Variants in MTMR12 observed in about 807,000 individuals in gnomAD.
The protein encoded by MTMR12 is myotubularin related protein 12.
MTMR12 carries 33 observed loss-of-function variants against 96.7 expected under a neutral mutation model. The observed-to-expected ratio is 0.34, with a 90% CI of 0.26 to 0.46. The LOEUF (loss-of-function observed/expected upper bound fraction) is 0.46, where lower values mean the gene tolerates loss of function less well. Among genes scored for constraint, MTMR12 ranks in the 20% least tolerant of loss-of-function variants. The pLI, the probability that MTMR12 is intolerant of heterozygous loss-of-function variation, is 1.00. For synonymous variants in MTMR12, 298 were observed against 327.2 expected (o/e 0.91, Z 0.96); for missense variants, 721 against 896.1 (o/e 0.80, Z 2.49).
chr5:32,272,233 G>A (rs1749865192), intron 3 of MTMR12, among the ~76,000 whole-genome samples: 1 of 152,058 alleles, frequency 6.6e-6, no homozygotes, highest in Non-Finnish European at 1.5e-5. Flanking sequence ...GGAGCTTGCA[G>A]CCAGCCGAGA....
intron 1 of MTMR12, among the ~76,000 whole-genome samples, chr5:32,297,779 G>C (rs1750984035): frequency 6.6e-6 from 1 of 152,090 alleles, no homozygotes; most frequent in South Asian, 2.1e-4. Flanking sequence ...ACTTACATTA[G>C]AAAATAAATG....
At chr5:32,252,511 G>C (rs1440703346) in intron 8 of MTMR12, among the ~76,000 whole-genome samples, 1 of 152,194 alleles carries the variant, frequency 6.6e-6, no homozygotes, top group Non-Finnish European at 1.5e-5. Flanking sequence ...CCAGGTCCTA[G>C]AGAAAATGTA....
intron 1 of MTMR12, among the ~76,000 whole-genome samples, chr5:32,296,738 T>C (rs1003749013): frequency 6.6e-5 from 10 of 151,408 alleles, no homozygotes; most frequent in African/African-American, 1.5e-4. Context: ...GAGTTGAAGG[T>C]TGCAGTGAGC....
Position 32,288,148 on chromosome 5 carries a change from A to C in MTMR12, c.82-11406T>G, listed in dbSNP as rs117811985. On this transcript the variant is annotated intron_variant, in intron 1 of 15. Coordinates refer to ENST00000382142, the MANE Select transcript of MTMR12 (RefSeq NM_001040446.3). ...CAGCCTCGCCAGGTGTCTTTTGTTA[A>C]AGTGAAGGCATTCATGGGAAAAGAA... 9.0e-4 allele frequency among the ~76,000 whole-genome samples: 137 copies of C among 152,306 alleles called. 3 individuals are homozygous for C. In the East Asian group the frequency reaches 0.026, roughly 29 times the overall value.
In MTMR12 at chr5:32,264,252, T is replaced by C. The variant is rs566108479; in HGVS notation, c.584-1010A>G. Among the ~76,000 whole-genome samples, 9 of 152,270 alleles carry C rather than the reference T, an allele frequency of 5.9e-5. No homozygotes were observed. The South Asian group carries it at 1.0e-3, about 18-fold the overall frequency. On this transcript the variant is annotated intron_variant, in intron 6 of 15. Transcript: ENST00000382142. ...CCGGGTATTTATACATATACCACAA[T>C]AGTCTTGAGTATATACACAAATTCT...
intron 1 of MTMR12, among the ~76,000 whole-genome samples, chr5:32,301,945 AAAAAAACAAAAACAAAAACAAAAAAC>A (rs1751165257): frequency 6.6e-6 from 1 of 152,150 alleles, no homozygotes; most frequent in African/African-American, 2.4e-5. Context: ...TAGCAAAAGC[AAAAAAACAAAAACAAAAACAAAAAAC>A]AAAAAACATT....
At chr5:32,263,650 T>A (rs1749467162) in intron 6 of MTMR12, among the ~76,000 whole-genome samples, 1 of 152,036 alleles carries the variant, frequency 6.6e-6, no homozygotes, top group Admixed American at 6.5e-5. Flanking sequence ...GTTGGCCAGG[T>A]TGGCCTCAAA....
Position 32,280,474 on chromosome 5 carries a change from A to AT in MTMR12, c.82-3733dup, listed in dbSNP as rs1581629005. Among the ~76,000 whole-genome samples the AT allele has an allele frequency of 3.9e-5, 6 of 152,240 alleles. No individual in the cohort carries two copies. The East Asian group carries it at 7.7e-4, about 20-fold the overall frequency. ...TTTCTAGAATGAACACTTAATACTCATTTTTTTCCAGCTAAGTAGAAAATC... is the reference window on the plus strand; with the variant it reads ...TTTCTAGAATGAACACTTAATACTCATTTTTTTTCCAGCTAAGTAGAAAATC... On this transcript the variant is annotated intron_variant, in intron 1 of 15. Transcript: ENST00000382142.
chr5:32,291,298 C>T (rs192545979), intron 1 of MTMR12, among the ~76,000 whole-genome samples: 5 of 152,356 alleles, frequency 3.3e-5, no homozygotes, highest in Admixed American at 3.3e-4. Flanking sequence ...GAAGGGAAAC[C>T]TTCCCAGTGG....
At chr5:32,282,792 C>T (rs144034832) in intron 1 of MTMR12, among the ~76,000 whole-genome samples, 4 of 152,284 alleles carry the variant, frequency 2.6e-5, no homozygotes, top group South Asian at 4.1e-4. Flanking sequence ...AAGGACGGAA[C>T]GGAGAGTATT....
intron 1 of MTMR12, chr5:32,296,563 G>A (rs897845858): frequency 9.6e-5 from 25 of 261,706 alleles, no homozygotes; most frequent in Admixed American, 1.5e-4. Flanking sequence ...ACTTTGGAAG[G>A]GTGAGGTGGT....
chr5:32,264,353 C>A (rs982547332), intron 6 of MTMR12, among the ~76,000 whole-genome samples: 17 of 152,148 alleles, frequency 1.1e-4, no homozygotes, highest in African/African-American at 3.6e-4. Context: ...ACAAAAACTA[C>A]CCCAGCTCCT....
intron 10 of MTMR12, chr5:32,247,754 G>A: frequency 1.0e-6 from 1 of 985,418 alleles, no homozygotes; most frequent in Non-Finnish European, 1.2e-6. Context: ...GGTATGCTGA[G>A]GAAGGGGAGA....
At chr5:32,251,063 T>C (rs1049484083) in intron 8 of MTMR12, among the ~76,000 whole-genome samples, 2 of 150,238 alleles carry the variant, frequency 1.3e-5, no homozygotes, top group Non-Finnish European at 1.5e-5. Flanking sequence ...TCTTTTTTTT[T>C]TTTTTTTTTT....
intron 1 of MTMR12, among the ~76,000 whole-genome samples, chr5:32,305,031 A>G (rs1187320280): frequency 6.6e-6 from 1 of 152,222 alleles, no homozygotes; most frequent in African/African-American, 2.4e-5. Context: ...TTAAGAAATT[A>G]GCTGGGTGAG....
intron 4 of MTMR12, 24 bp from the exon 5 acceptor site, chr5:32,270,971 G>A (rs1581620474): frequency 1.3e-6 from 2 of 1,597,214 alleles, no homozygotes; most frequent in East Asian, 4.5e-5. Context: ...ATGAAATCAG[G>A]AAGGGAAATT....
chr5:32,294,401 CAA>C (rs1204941483), intron 1 of MTMR12, among the ~76,000 whole-genome samples: 1 of 152,030 alleles, frequency 6.6e-6, no homozygotes. Context: ...CTCCCAGGTT[CAA>C]AAGAGTCTCA....
chr5:32,257,900 G>T (rs1463274866), intron 7 of MTMR12, among the ~76,000 whole-genome samples: 1 of 151,996 alleles, frequency 6.6e-6, no homozygotes, highest in Admixed American at 6.6e-5. Context: ...AATCCCCCTC[G>T]CTACTAAAAA....
In MTMR12 at chr5:32,271,860, G is replaced by A. The variant is rs724159934; in HGVS notation, c.331C>T (p.Leu111Phe). Residue 111 changes from leucine to phenylalanine, a missense_variant, in exon 4 of 16, where the codon CTC becomes TTC. By Grantham distance (22) the Leu-to-Phe change is conservative (BLOSUM62 0). Transcript: ENST00000382142. ...CCATAAATCTGATCAACACAGTGGAGTGTAATGTCATTTTCTCCTATAACC... is the reference window on the plus strand; with the variant it reads ...CCATAAATCTGATCAACACAGTGGAATGTAATGTCATTTTCTCCTATAACC... ...NKVIGENDIT[L>F]HCVDQIYGVF... 6.3e-7 allele frequency: 1 copy of A among 1,587,542 alleles called. No homozygotes were observed. Among genetic ancestry groups the A allele is most frequent in the South Asian group, 1.1e-5 (1 of 87,648 alleles).
Sources: gnomAD v4.1 joint callset for allele counts (sites outside exome capture counted in the v4.1 genomes callset) on GRCh38, gnomAD v4.1.1 for gene constraint, MANE v1.5 for transcripts, NCBI Gene and HGNC (gene_info 2026-07-23, HGNC 2026-07-21) for gene names.